DPP10: variants seen among roughly 807,000 people sequenced by gnomAD.
DPP10 encodes dipeptidyl peptidase like 10, also known as inactive dipeptidyl peptidase 10.
DPP10 carries 33 observed loss-of-function variants against 120.9 expected under a neutral mutation model. That is an observed-to-expected ratio of 0.27 (90% CI 0.21 to 0.37). The LOEUF (loss-of-function observed/expected upper bound fraction) is 0.37, where lower values mean the gene tolerates loss of function less well. Among genes scored for constraint, DPP10 ranks in the 10% least tolerant of loss-of-function variants. The pLI, the probability that DPP10 is intolerant of heterozygous loss-of-function variation, is 1.00. For synonymous variants in DPP10, 337 were observed against 326.1 expected (o/e 1.03, Z -0.36); for missense variants, 816 against 942.8 (o/e 0.87, Z 1.76).
chr2:114,901,807 C>CAAAT (rs1693596874), intron 1 of DPP10, among the ~76,000 whole-genome samples: 1 of 152,148 alleles, frequency 6.6e-6, no homozygotes. Context: ...GCTCTTTCTT[C>CAAAT]AAATAATAAT....
intron 1 of DPP10, among the ~76,000 whole-genome samples, chr2:115,009,155 A>G (rs1469750127): frequency 1.4e-5 from 2 of 142,428 alleles, no homozygotes; most frequent in African/African-American, 5.3e-5. Flanking sequence ...CATTATTCAC[A>G]ATAGCAAAGA....
chr2:115,590,405 A>T (rs1198077910), intron 5 of DPP10, among the ~76,000 whole-genome samples: 1 of 152,080 alleles, frequency 6.6e-6, no homozygotes, highest in Non-Finnish European at 1.5e-5. Flanking sequence ...CCTATGAGTG[A>T]GAACATGCGG....
intron 1 of DPP10, among the ~76,000 whole-genome samples, chr2:115,004,606 T>C (rs1361483687): frequency 6.6e-6 from 1 of 152,152 alleles, no homozygotes; most frequent in African/African-American, 2.4e-5. Context: ...AAAGGGGTGA[T>C]GGACGGCACC....
chr2:115,698,591 C>T (rs924773854), intron 7 of DPP10, among the ~76,000 whole-genome samples: 6 of 152,148 alleles, frequency 3.9e-5, no homozygotes, highest in Non-Finnish European at 8.8e-5. Flanking sequence ...CTCTTGCTGT[C>T]ACTCTCTTTC....
At chr2:115,417,210 T>C (rs940904885) in intron 3 of DPP10, among the ~76,000 whole-genome samples, 5 of 152,140 alleles carry the variant, frequency 3.3e-5, no homozygotes, top group African/African-American at 4.8e-5. Context: ...CAATATTAAT[T>C]ACTATGTGTT....
intron 1 of DPP10, among the ~76,000 whole-genome samples, chr2:114,754,221 G>A (rs1679518778): frequency 1.3e-5 from 2 of 152,260 alleles, no homozygotes; most frequent in Non-Finnish European, 1.5e-5. Flanking sequence ...GGAACAGCAT[G>A]GGCCGAGGCT....
At chr2:115,720,266 T>C (rs535451125) in intron 7 of DPP10, among the ~76,000 whole-genome samples, 1 of 152,312 alleles carries the variant, frequency 6.6e-6, no homozygotes, top group Non-Finnish European at 1.5e-5. Context: ...TGTGTTTGCT[T>C]ATATATACTC....
Position 114,744,806 on chromosome 2 carries a change from A to G in DPP10, c.60+301968A>G, listed in dbSNP as rs568800773. On this transcript the variant is annotated intron_variant, in intron 1 of 25. Transcript: ENST00000410059. ...AGACGGAGTCTCACTCTGTCGCCCAAGCTGGAGTGTAGTGGCACAATCTCG... is the reference window on the plus strand; with the variant it reads ...AGACGGAGTCTCACTCTGTCGCCCAGGCTGGAGTGTAGTGGCACAATCTCG... Among the ~76,000 whole-genome samples the G allele has an allele frequency of 2.6e-5, 4 of 152,158 alleles. No homozygotes were observed. In the East Asian group the frequency reaches 7.8e-4, roughly 29 times the overall value.
At chr2:114,446,134 C>T (rs960516251) in intron 1 of DPP10, among the ~76,000 whole-genome samples, 7 of 152,128 alleles carry the variant, frequency 4.6e-5, no homozygotes, top group Admixed American at 3.3e-4. Context: ...TGAAGAATGT[C>T]CCCCACCATG....
chr2:114,869,617 G>A (rs936914162), intron 1 of DPP10, among the ~76,000 whole-genome samples: 1 of 152,154 alleles, frequency 6.6e-6, no homozygotes, highest in Non-Finnish European at 1.5e-5. Context: ...AAGCACTGTG[G>A]ACATCCTCTT....
rs17048382 is a variant in DPP10, at chr2:114,460,570, T to A, written c.60+17732T>A. On this transcript the variant is annotated intron_variant, in intron 1 of 25. Coordinates refer to ENST00000410059, the MANE Select transcript of DPP10 (RefSeq NM_020868.6). Reference sequence around the variant, plus strand: ...ACAAGGTGTACATTTAACTTATTTATGACACAAATTTTTTCAAGCCTCCAT... The same window carrying A: ...ACAAGGTGTACATTTAACTTATTTAAGACACAAATTTTTTCAAGCCTCCAT... 8.9e-4 allele frequency among the ~76,000 whole-genome samples: 136 copies of A among 152,320 alleles called. 1 individual carries two copies. The East Asian group carries it at 0.024, about 27-fold the overall frequency.
At chr2:114,958,657 A>T (rs1480995427) in intron 1 of DPP10, among the ~76,000 whole-genome samples, 1 of 152,186 alleles carries the variant, frequency 6.6e-6, no homozygotes, top group Non-Finnish European at 1.5e-5. Flanking sequence ...TACAATTATT[A>T]TTTGTAAATT....
Position 115,692,849 on chromosome 2 carries a change from A to T in DPP10, c.576+2928A>T, listed in dbSNP as rs948036444. Among the ~76,000 whole-genome samples the T allele has an allele frequency of 5.9e-5, 9 of 152,220 alleles. No individual in the cohort carries two copies. The East Asian group carries it at 1.7e-3, about 29-fold the overall frequency. ...ATTTTATAAATCTGTATATTTCTTAAGCTTATTAGTGAAATAGGGTAATTA... is the reference window on the plus strand; with the variant it reads ...ATTTTATAAATCTGTATATTTCTTATGCTTATTAGTGAAATAGGGTAATTA... On this transcript the variant is annotated intron_variant, in intron 7 of 25. Coordinates refer to ENST00000410059, the MANE Select transcript of DPP10 (RefSeq NM_020868.6).
At chr2:114,748,478 G>A (rs1318755962) in intron 1 of DPP10, among the ~76,000 whole-genome samples, 1 of 136,906 alleles carries the variant, frequency 7.3e-6, no homozygotes, top group African/African-American at 2.7e-5. Context: ...ATGTTTACAT[G>A]TGCCATGCTG....
intron 3 of DPP10, among the ~76,000 whole-genome samples, chr2:115,401,576 C>G (rs1427410371): frequency 6.6e-6 from 1 of 152,056 alleles, no homozygotes; most frequent in Non-Finnish European, 1.5e-5. Flanking sequence ...TTGTGACACC[C>G]TGCCTGTAAA....
chr2:115,264,165 A>G (rs2059367707), intron 1 of DPP10, among the ~76,000 whole-genome samples: 2 of 152,182 alleles, frequency 1.3e-5, no homozygotes, highest in Non-Finnish European at 2.9e-5. Context: ...AATTTGGTGG[A>G]CATATTCTTA....
At chr2:114,796,483 T>G (rs1683725456) in intron 1 of DPP10, among the ~76,000 whole-genome samples, 1 of 151,980 alleles carries the variant, frequency 6.6e-6, no homozygotes, top group African/African-American at 2.4e-5. Context: ...AATATATATA[T>G]AACATACAAA....
chr2:115,657,780 A>G (rs2088523060), intron 5 of DPP10, among the ~76,000 whole-genome samples: 1 of 151,982 alleles, frequency 6.6e-6, no homozygotes, highest in South Asian at 2.1e-4. Context: ...CTATCTGCTT[A>G]TGTTCTTCAC....
At chr2:115,835,266 T>C (rs1036645717) in intron 21 of DPP10, among the ~76,000 whole-genome samples, 21 of 151,246 alleles carry the variant, frequency 1.4e-4, no homozygotes, top group African/African-American at 5.1e-4. Flanking sequence ...ATACCTCAGA[T>C]GCAAACACTA....
Sources: gnomAD v4.1 joint callset for allele counts (sites outside exome capture counted in the v4.1 genomes callset) on GRCh38, gnomAD v4.1.1 for gene constraint, MANE v1.5 for transcripts, NCBI Gene and HGNC (gene_info 2026-07-23, HGNC 2026-07-21) for gene names.